EYA1: variants seen among roughly 807,000 people sequenced by gnomAD.
The protein encoded by EYA1 is EYA transcriptional coactivator and phosphatase 1.
Under a neutral mutation model 82.0 loss-of-function variants are expected in EYA1, and 16 were observed. The observed-to-expected ratio is 0.20, with a 90% confidence interval of 0.13 to 0.30. EYA1 has a LOEUF of 0.30. Ranked by LOEUF, EYA1 falls within the 10% of genes least tolerant of loss-of-function variation. The probability of loss-of-function intolerance (pLI) is 1.00; values close to 1 mark genes in which losing one functional copy is unlikely to be tolerated. For missense variants in EYA1, 633 were observed against 730.7 expected (o/e 0.87, Z 1.54); for synonymous variants, 261 against 264.4 (o/e 0.99, Z 0.12).
chr8:71,222,399 T>C (rs1165976417), intron 12 of EYA1, among the ~76,000 whole-genome samples: 2 of 152,240 alleles, frequency 1.3e-5, no homozygotes, highest in African/African-American at 4.8e-5. Flanking sequence ...AACTTGGGTA[T>C]TGCTAACGCA....
intron 2 of EYA1, among the ~76,000 whole-genome samples, chr8:71,439,362 A>G (rs1372292722): frequency 6.6e-6 from 1 of 151,980 alleles, no homozygotes; most frequent in Non-Finnish European, 1.5e-5. Flanking sequence ...CAGTCACTAT[A>G]AGTTGGAGGT....
Position 71,216,872 on chromosome 8 carries a change from G to C in EYA1, c.1200-20C>G. 3 of 1,614,054 alleles carry C rather than the reference G, an allele frequency of 1.9e-6. No homozygotes were observed. The highest frequency in any genetic ancestry group is 1.3e-5 in the African/African-American group (1 of 75,034). Reference sequence around the variant, plus strand: ...TATGTGCTATTTATATGCAAGAAAAGCCCAAAGTTAGCCGAACAGAAAGTC... The same window carrying C: ...TATGTGCTATTTATATGCAAGAAAACCCCAAAGTTAGCCGAACAGAAAGTC... On this transcript the variant is annotated intron_variant, in intron 13 of 17. Transcript: ENST00000340726.
At chr8:71,221,215 A>C (rs557145499) in intron 12 of EYA1, among the ~76,000 whole-genome samples, 10 of 149,882 alleles carry the variant, frequency 6.7e-5, no homozygotes, top group Admixed American at 2.7e-4. Context: ...CCTACTGGAG[A>C]TGGTTCCTAA....
chr8:71,518,182 C>G (rs966477391), intron 2 of EYA1, among the ~76,000 whole-genome samples: 3 of 152,088 alleles, frequency 2.0e-5, no homozygotes, highest in African/African-American at 7.2e-5. Flanking sequence ...ACCATTATCT[C>G]TTAATTGTCA....
intron 2 of EYA1, among the ~76,000 whole-genome samples, chr8:71,418,393 G>A (rs1830967379): frequency 6.6e-6 from 1 of 152,100 alleles, no homozygotes; most frequent in South Asian, 2.1e-4. Flanking sequence ...TGGGTCATAA[G>A]CTTTTCAGTC....
In EYA1 at chr8:71,269,788, A is replaced by G. The variant is rs1276029113; in HGVS notation, c.1002T>C (p.Ile334=). 1 of 1,613,694 alleles carries G rather than the reference A, an allele frequency of 6.2e-7. No individual in the cohort carries two copies. Among genetic ancestry groups the G allele is most frequent in the Admixed American group, 1.7e-5 (1 of 59,990 alleles). ...VFIWDLDETI[I]VFHSLLTGSY... is the part of the protein sequence containing the mutation. ...ACCCAGTAAGCAAGGAGTGGAAAAC[A>G]ATGATTGTCTCATCCAAGTCCCAGA... The change falls in exon 11 of 18, where the codon ATT becomes ATC. Residue 334 remains isoleucine, a synonymous_variant. Transcript: ENST00000340726.
rs1433149797 is a variant in EYA1, at chr8:71,431,459, A to G, written c.34-74948T>C. On this transcript the variant is annotated intron_variant, in intron 2 of 18. Transcript: ENST00000643681. ...CTGTGGATGACTAACTCTGTGAAAT[A>G]CTTAGAGGCATTACTCTGCCTAGTC... Among the ~76,000 whole-genome samples, 4 of 152,282 alleles carry G rather than the reference A, an allele frequency of 2.6e-5. No homozygotes were observed. In the East Asian group the frequency reaches 5.8e-4, roughly 22 times the overall value.
chr8:71,501,223 C>T (rs149223716), intron 2 of EYA1, among the ~76,000 whole-genome samples: 6 of 152,282 alleles, frequency 3.9e-5, no homozygotes, highest in Non-Finnish European at 7.4e-5. Context: ...GAATATGAGG[C>T]AAGGCCTGGG....
intron 4 of EYA1, among the ~76,000 whole-genome samples, chr8:71,333,578 T>G (rs1209330893): frequency 6.6e-6 from 1 of 152,240 alleles, no homozygotes; most frequent in Middle Eastern, 3.2e-3. Flanking sequence ...AACTTGGATA[T>G]TCTGTTTATT....
chr8:71,534,220 A>G (rs184125779), intron 2 of EYA1, among the ~76,000 whole-genome samples: 1 of 152,324 alleles, frequency 6.6e-6, no homozygotes, highest in Admixed American at 6.5e-5. Flanking sequence ...TAATGAGTTT[A>G]TTTTTCATTA....
chr8:71,393,162 A>C (rs1829375226), intron 2 of EYA1, among the ~76,000 whole-genome samples: 2 of 152,196 alleles, frequency 1.3e-5, no homozygotes, highest in Admixed American at 6.5e-5. Context: ...ATTCACTGTA[A>C]AATATGCACT....
chr8:71,332,695 G>A (rs1387757332), intron 4 of EYA1, among the ~76,000 whole-genome samples: 1 of 151,952 alleles, frequency 6.6e-6, no homozygotes, highest in African/African-American at 2.4e-5. Flanking sequence ...TTCCTTTGAT[G>A]CCTCCCATTG....
At chr8:71,216,542 C>T in intron 14 of EYA1, 150 bp downstream of exon 14, 2 of 850,052 alleles carry the variant, frequency 2.4e-6, no homozygotes, top group Non-Finnish European at 3.9e-6. Flanking sequence ...ATTTCTGTCA[C>T]TAAATCACAG....
chr8:71,488,870 T>C (rs1392698918), intron 2 of EYA1, among the ~76,000 whole-genome samples: 1 of 152,142 alleles, frequency 6.6e-6, no homozygotes, highest in African/African-American at 2.4e-5. Context: ...CAGATCTACA[T>C]GCCTCTTCAA....
At chr8:71,273,275 G>A (rs761587743) in intron 9 of EYA1, among the ~76,000 whole-genome samples, 1 of 152,180 alleles carries the variant, frequency 6.6e-6, no homozygotes, top group Non-Finnish European at 1.5e-5. Context: ...CCACCATCAT[G>A]ACCTGTAAGC....
At chr8:71,431,188 G>C (rs1805593779) in intron 2 of EYA1, among the ~76,000 whole-genome samples, 1 of 152,124 alleles carries the variant, frequency 6.6e-6, no homozygotes, top group Non-Finnish European at 1.5e-5. Context: ...GAAAGAGAAA[G>C]GAAATAAGAT....
chr8:71,518,815 G>A (rs1334408447), intron 2 of EYA1, among the ~76,000 whole-genome samples: 2 of 152,136 alleles, frequency 1.3e-5, no homozygotes, highest in African/African-American at 4.8e-5. Flanking sequence ...TTGTGGCCTT[G>A]TTAGTATATA....
intron 4 of EYA1, among the ~76,000 whole-genome samples, chr8:71,327,526 T>C (rs1823296084): frequency 6.6e-6 from 1 of 152,226 alleles, no homozygotes; most frequent in African/African-American, 2.4e-5. Context: ...GTATTGTTTT[T>C]CATTGATAAA....
intron 2 of EYA1, among the ~76,000 whole-genome samples, chr8:71,456,445 C>G (rs1807920123): frequency 6.6e-6 from 1 of 152,140 alleles, no homozygotes; most frequent in South Asian, 2.1e-4. Context: ...GTCCGCATTG[C>G]CAAGTCAATC....
Sources: gnomAD v4.1 joint callset for allele counts (sites outside exome capture counted in the v4.1 genomes callset) on GRCh38, gnomAD v4.1.1 for gene constraint, MANE v1.5 for transcripts, NCBI Gene and HGNC (gene_info 2026-07-23, HGNC 2026-07-21) for gene names.